ESR2: variants seen among roughly 807,000 people sequenced by gnomAD.
The protein encoded by ESR2 is estrogen receptor beta.
A neutral mutation model predicts 49.6 loss-of-function variants in ESR2; 36 were observed. The ratio of observed to expected loss-of-function variants is 0.73; its 90% CI spans 0.56 to 0.96. The LOEUF (loss-of-function observed/expected upper bound fraction) is 0.96, where lower values mean the gene tolerates loss of function less well. Among genes scored for constraint, ESR2 ranks in the 40% least tolerant of loss-of-function variants. The probability of loss-of-function intolerance (pLI) is 0.00; values close to 1 mark genes in which losing one functional copy is unlikely to be tolerated. For missense variants in ESR2, 714 were observed against 693.0 expected (o/e 1.03, Z -0.34); for synonymous variants, 320 against 266.1 (o/e 1.20, Z -1.97).
At chr14:64,270,966 T>C (rs543925255) in intron 3 of ESR2, among the ~76,000 whole-genome samples, 20 of 152,374 alleles carry the variant, frequency 1.3e-4, no homozygotes, top group Middle Eastern at 6.8e-3. Context: ...AAGATGTATA[T>C]GAAGTACAAC....
upstream of ESR2, among the ~76,000 whole-genome samples, chr14:64,295,009 C>T (rs1052316933): frequency 3.9e-5 from 6 of 152,234 alleles, no homozygotes; most frequent in African/African-American, 1.4e-4. Flanking sequence ...CCCCTCTTCT[C>T]GGGCGAAGGC....
At chr14:64,242,798 C>T (rs561335722) in intron 7 of ESR2, among the ~76,000 whole-genome samples, 1 of 151,806 alleles carries the variant, frequency 6.6e-6, no homozygotes, top group East Asian at 1.9e-4. Context: ...TGTATTAGTC[C>T]ATTTTCACAC....
intron 6 of ESR2, among the ~76,000 whole-genome samples, chr14:64,251,307 CA>C (rs11297817): frequency 0.56 from 69,124 of 124,234 alleles, 16,978 homozygotes; most frequent in African/African-American, 0.69. Context: ...CTCTATGGGG[CA>C]AAAAAAAAAA....
At chr14:64,317,579 C>T (rs1359396357) in intron 1 of ESR2, among the ~76,000 whole-genome samples, 1 of 152,168 alleles carries the variant, frequency 6.6e-6, no homozygotes, top group Non-Finnish European at 1.5e-5. Context: ...GATCTGCCCC[C>T]ATAACCCAAA....
chr14:64,256,343 C>T (rs1312963022), intron 6 of ESR2, among the ~76,000 whole-genome samples: 1 of 152,238 alleles, frequency 6.6e-6, no homozygotes, highest in Non-Finnish European at 1.5e-5. Flanking sequence ...GATACAGCAT[C>T]ATGTCCCATT....
At chr14:64,298,402 T>C (rs1248259691), upstream of ESR2, 1 of 152,176 alleles carries the variant, frequency 6.6e-6, no homozygotes, top group Non-Finnish European at 1.5e-5. Flanking sequence ...TACCTGCACA[T>C]CCCATGTTTT....
At chr14:64,246,347 A>AG (rs2075855015) in intron 7 of ESR2, among the ~76,000 whole-genome samples, 1 of 152,050 alleles carries the variant, frequency 6.6e-6, no homozygotes, top group South Asian at 2.1e-4. Flanking sequence ...TGGTTATATA[A>AG]GGGGCTCTTC....
At chr14:64,259,358 T>A (rs1291302493) in intron 5 of ESR2, among the ~76,000 whole-genome samples, 1 of 152,200 alleles carries the variant, frequency 6.6e-6, no homozygotes, top group East Asian at 1.9e-4. Flanking sequence ...CTCCTCATCT[T>A]TACAGCTTGC....
chr14:64,314,595 C>T lies in ESR2; in HGVS notation c.-91+23303G>A, dbSNP rs534043394. On this transcript the variant is annotated intron_variant, in intron 1 of 8. Coordinates refer to the ESR2 transcript ENST00000358599. Reference sequence around the variant, plus strand: ...GGTTCTTTTGAAAAATTAATAAAATCGGCTGGGCACGGTGGCTCACACCTG... The same window carrying T: ...GGTTCTTTTGAAAAATTAATAAAATTGGCTGGGCACGGTGGCTCACACCTG... Among the ~76,000 whole-genome samples the T allele has an allele frequency of 4.6e-5, 7 of 151,794 alleles. 1 individual carries two copies. The highest frequency in any genetic ancestry group is 6.9e-3 in the Middle Eastern group (2 of 288).
chr14:64,281,333 A>G (rs2076663117), intron 2 of ESR2, among the ~76,000 whole-genome samples: 1 of 152,202 alleles, frequency 6.6e-6, no homozygotes, highest in Non-Finnish European at 1.5e-5. Context: ...TAAAGGTATT[A>G]TTGATTTATA....
At chr14:64,279,872 C>T in intron 3 of ESR2, 109 bp downstream of exon 3, 4 of 891,138 alleles carry the variant, frequency 4.5e-6, no homozygotes, top group Non-Finnish European at 5.4e-6. Context: ...TCATCAAATA[C>T]TTTGTGTGCC....
intron 3 of ESR2, 145 bp downstream of exon 3, chr14:64,279,836 C>T (rs1226570065): frequency 5.5e-6 from 4 of 723,556 alleles, no homozygotes; most frequent in African/African-American, 5.3e-5. Flanking sequence ...AACCCACTTC[C>T]AAACACACAT....
intron 1 of ESR2, among the ~76,000 whole-genome samples, chr14:64,287,316 G>A (rs777701010): frequency 7.9e-5 from 12 of 152,076 alleles, no homozygotes; most frequent in Non-Finnish European, 1.3e-4. Flanking sequence ...ACCAACAAAT[G>A]ACAAATGCCA....
chr14:64,314,919 T>C (rs1290071983), intron 1 of ESR2, among the ~76,000 whole-genome samples: 1 of 145,566 alleles, frequency 6.9e-6, no homozygotes, highest in Non-Finnish European at 1.5e-5. Flanking sequence ...TTAATAAAAT[T>C]GACAAACTTC....
chr14:64,279,678 A>AT (rs1005646853), intron 3 of ESR2, among the ~76,000 whole-genome samples: 3 of 152,180 alleles, frequency 2.0e-5, no homozygotes, highest in African/African-American at 7.2e-5. Flanking sequence ...TTGTGAGCAC[A>AT]TTTTTTCCAA....
chr14:64,324,419 C>T (rs938875312), intron 1 of ESR2, among the ~76,000 whole-genome samples: 8 of 152,116 alleles, frequency 5.3e-5, no homozygotes, highest in Admixed American at 6.5e-5. Context: ...TATCAGCTTT[C>T]TACACCAAAT....
downstream of ESR2, chr14:64,227,360 T>C (rs1442929021): frequency 2.9e-6 from 2 of 685,928 alleles, no homozygotes; most frequent in Admixed American, 3.0e-5. Flanking sequence ...AGTTATCAAA[T>C]TGTTGGATTG....
At chr14:64,248,265 G>T (rs530764752) in intron 7 of ESR2, among the ~76,000 whole-genome samples, 1 of 152,158 alleles carries the variant, frequency 6.6e-6, no homozygotes, top group South Asian at 2.1e-4. Context: ...AGAACTTTGG[G>T]AGGCTGAGGT....
Position 64,282,991 on chromosome 14 carries a change from G to A in ESR2, c.-6C>T. Reference sequence around the variant, plus strand: ...GGTGAGTTTTTTATATCCATGTCTTGAGATAACAGCTGAGAAAACACCTTG... The same window carrying A: ...GGTGAGTTTTTTATATCCATGTCTTAAGATAACAGCTGAGAAAACACCTTG... On this transcript the variant is annotated 5_prime_UTR_variant, in exon 2 of 9. Transcript: ENST00000341099. 3 of 1,607,914 alleles carry A rather than the reference G, an allele frequency of 1.9e-6. No homozygotes were observed. The highest frequency in any genetic ancestry group is 2.6e-6 in the Non-Finnish European group (3 of 1,176,320).
Sources: allele counts gnomAD v4.1 joint callset (sites outside exome capture counted in the v4.1 genomes callset), GRCh38; gene constraint gnomAD v4.1.1; transcripts MANE v1.5; gene names NCBI Gene and HGNC (gene_info 2026-07-23, HGNC 2026-07-21).